The following TMEM50A variants were observed in gnomAD, a reference collection of about 807,000 sequenced individuals.
The protein encoded by TMEM50A is cervical cancer oncogene 9.
Under a neutral mutation model 23.9 loss-of-function variants are expected in TMEM50A, and 8 were observed. The observed-to-expected ratio is 0.33, with a 90% confidence interval of 0.20 to 0.60. The LOEUF is 0.60. Ranked by LOEUF, TMEM50A falls within the 20% of genes least tolerant of loss-of-function variation. TMEM50A has a pLI of 0.81. For synonymous variants in TMEM50A, 55 were observed against 60.4 expected (o/e 0.91, Z 0.41); for missense variants, 178 against 192.7 (o/e 0.92, Z 0.45).
chr1:25,355,347 T>G lies in TMEM50A; in HGVS notation c.368-1446T>G, dbSNP rs76761512. ...AAAAAGGAAAAAAATTACCTTGTTA[T>G]CATGGGAATTGCATAATGCTTATTC... On this transcript the variant is annotated intron_variant, in intron 5 of 6. Coordinates refer to ENST00000374358, the MANE Select transcript of TMEM50A (RefSeq NM_014313.4). Among the ~76,000 whole-genome samples the G allele has an allele frequency of 8.4e-3, 1,281 of 152,218 alleles. 21 individuals carry two copies. Among genetic ancestry groups the G allele is most frequent in the African/African-American group, 0.03 (1,226 of 41,550 alleles).
At chr1:25,346,793 C>A (rs3093601) in intron 3 of TMEM50A, among the ~76,000 whole-genome samples, 1,702 of 152,050 alleles carry the variant, frequency 0.011, 36 homozygotes, top group African/African-American at 0.038. Flanking sequence ...CCAAAGTGGG[C>A]GGATCACTTG....
chr1:25,360,834 T>A lies in TMEM50A; in HGVS notation c.*129T>A. Reference sequence around the variant, plus strand: ...AGTGTAGTCTCAGCTTAAAGTTGTGTAATACTAAAATCACGAGAACACCTA... The same window carrying A: ...AGTGTAGTCTCAGCTTAAAGTTGTGAAATACTAAAATCACGAGAACACCTA... On this transcript the variant is annotated 3_prime_UTR_variant, in exon 7 of 7. Transcript: ENST00000374358. 1.0e-6 allele frequency: 1 copy of A among 967,438 alleles called. No homozygotes were observed. Among genetic ancestry groups the A allele is most frequent in the Non-Finnish European group, 1.5e-6 (1 of 646,520 alleles). 59.9% of individuals were successfully genotyped at this position (967,438 alleles called of 1,614,324 possible). A position where few individuals can be genotyped will look rare whatever the true frequency, so the allele number is the denominator to read the frequency against.
chr1:25,352,370 C>T (rs915933601), intron 4 of TMEM50A, among the ~76,000 whole-genome samples: 3 of 151,866 alleles, frequency 2.0e-5, no homozygotes, highest in Non-Finnish European at 4.4e-5. Flanking sequence ...TGGCGGGTGC[C>T]TGTAGTCCCA....
At chr1:25,359,541 A>G (rs1357892767) in intron 6 of TMEM50A, among the ~76,000 whole-genome samples, 1 of 152,068 alleles carries the variant, frequency 6.6e-6, no homozygotes, top group Non-Finnish European at 1.5e-5. Flanking sequence ...AAATCTCATA[A>G]TGTTTTAAGA....
chr1:25,349,683 G>A (rs549637905), intron 3 of TMEM50A, among the ~76,000 whole-genome samples: 7 of 151,964 alleles, frequency 4.6e-5, no homozygotes, highest in Admixed American at 3.3e-4. Flanking sequence ...TCAAAGTCCC[G>A]GGCTTAAGCA....
intron 4 of TMEM50A, 127 bp downstream of exon 4, chr1:25,351,820 ATTGTT>A (rs2124253605): frequency 1.2e-6 from 1 of 803,104 alleles, no homozygotes. Flanking sequence ...TTTTGAATCT[ATTGTT>A]TTATGTTTTG....
At chr1:25,357,562 T>G (rs1234056296) in intron 6 of TMEM50A, among the ~76,000 whole-genome samples, 8 of 132,016 alleles carry the variant, frequency 6.1e-5, no homozygotes, top group African/African-American at 2.2e-4. Context: ...TGTGTGTGTG[T>G]TGTGTGTGTG....
chr1:25,345,436 C>T (rs1409772542), intron 3 of TMEM50A, among the ~76,000 whole-genome samples: 1 of 152,138 alleles, frequency 6.6e-6, no homozygotes, highest in Non-Finnish European at 1.5e-5. Flanking sequence ...AAACATTAGC[C>T]GGCTATAGTG....
In TMEM50A at chr1:25,345,041, G is replaced by A. The variant is rs530295586; in HGVS notation, c.206+1968G>A. On this transcript the variant is annotated intron_variant, in intron 3 of 6. Transcript: ENST00000374358. ...TATGAATTAATGACTGTGTAAGCCT[G>A]CTGCAGCACTGTCACCATGGGACTT... Among the ~76,000 whole-genome samples the A allele has an allele frequency of 3.8e-3, 572 of 151,184 alleles. 2 individuals carry two copies. The highest frequency in any genetic ancestry group is 0.013 in the African/African-American group (519 of 41,246).
chr1:25,348,721 A>T (rs1473393885), intron 3 of TMEM50A, among the ~76,000 whole-genome samples: 2 of 152,126 alleles, frequency 1.3e-5, no homozygotes, highest in African/African-American at 4.8e-5. Context: ...ATAAGCAAAA[A>T]CGAAGTTGCC....
At position 25,361,646 on chromosome 1, in the gene TMEM50A, A is replaced by C. The variant is rs28667288; in HGVS notation, c.*941A>C. The C allele has an allele frequency of 2.6e-5, 4 of 152,294 alleles. No homozygotes were observed. Among genetic ancestry groups the C allele is most frequent in the Non-Finnish European group, 5.9e-5 (4 of 68,140 alleles). 9.4% of individuals were successfully genotyped at this position (152,294 alleles called of 1,614,324 possible). ...CCCCCAGGCTCCCCACCTCTGCAAG[A>C]TGGGATACACTCTTCAGGACCACAG... On this transcript the variant is annotated 3_prime_UTR_variant, in exon 7 of 7. Transcript: ENST00000374358.
rs529682334 is a variant in TMEM50A at position 25,340,727 on chromosome 1, A to G, written c.93+148A>G. On this transcript the variant is annotated intron_variant, in intron 2 of 6. Transcript: ENST00000374358. ...GATATTTTGTTGTTTGTGGAGAGTT[A>G]TTAGTTCCACTTTAAGAGTTTATGG... 1.3e-4 allele frequency: 78 copies of G among 614,676 alleles called. 1 individual carries two copies. In the South Asian group the frequency reaches 2.0e-3, roughly 16 times the overall value. 38.1% of individuals were successfully genotyped at this position (614,676 alleles called of 1,614,324 possible).
chr1:25,341,654 C>T (rs1645169951), intron 2 of TMEM50A, among the ~76,000 whole-genome samples: 1 of 152,056 alleles, frequency 6.6e-6, no homozygotes, highest in Non-Finnish European at 1.5e-5. Context: ...GTTGGGATTA[C>T]AGGCATGAGC....
chr1:25,356,277 C>CA (rs1645332706), intron 5 of TMEM50A, among the ~76,000 whole-genome samples: 3 of 152,136 alleles, frequency 2.0e-5, no homozygotes, highest in Admixed American at 2.0e-4. Flanking sequence ...TCTTTCTTTA[C>CA]CCTGTCCCTG....
At chr1:25,346,396 TA>T (rs536052166) in intron 3 of TMEM50A, among the ~76,000 whole-genome samples, 9 of 149,750 alleles carry the variant, frequency 6.0e-5, no homozygotes, top group East Asian at 2.0e-4. Context: ...CCTTTTAAAT[TA>T]AAAAAAAAAT....
intron 3 of TMEM50A, among the ~76,000 whole-genome samples, chr1:25,345,120 CTTTTTTTTT>C (rs775789415): frequency 3.4e-5 from 4 of 117,462 alleles, no homozygotes; most frequent in African/African-American, 6.4e-5. Context: ...ACCACATCTT[CTTTTTTTTT>C]TTTTTTTTTT....
intron 3 of TMEM50A, among the ~76,000 whole-genome samples, chr1:25,349,489 T>C (rs979679163): frequency 6.6e-6 from 1 of 152,352 alleles, no homozygotes; most frequent in Admixed American, 6.5e-5. Flanking sequence ...GTATCTATTT[T>C]ATATACAAAA....
intron 4 of TMEM50A, among the ~76,000 whole-genome samples, chr1:25,352,336 A>G (rs972166925): frequency 2.6e-5 from 4 of 152,030 alleles, no homozygotes; most frequent in Non-Finnish European, 5.9e-5. Context: ...TCTACTAAAA[A>G]TACAAAAAAT....
chr1:25,343,568 T>A (rs3093593), intron 3 of TMEM50A, among the ~76,000 whole-genome samples: 143,085 of 151,576 alleles, frequency 0.94, 67,990 homozygotes, highest in South Asian at 1. Flanking sequence ...AATTAAAAAA[T>A]TTTTTTTTTT....
Sources: allele counts gnomAD v4.1 joint callset (sites outside exome capture counted in the v4.1 genomes callset), GRCh38; gene constraint gnomAD v4.1.1; transcripts MANE v1.5; gene names NCBI Gene and HGNC (gene_info 2026-07-23, HGNC 2026-07-21).